The following CCDC178 variants were observed in gnomAD, a reference collection of about 807,000 sequenced individuals.
CCDC178 encodes the protein coiled-coil domain containing 178, also known as coiled-coil domain-containing protein 178.
Under a neutral mutation model 117.4 loss-of-function variants are expected in CCDC178, and 126 were observed. The ratio of observed to expected loss-of-function variants is 1.07; its 90% confidence interval spans 0.93 to 1.24. The LOEUF is 1.24. CCDC178 is among the 50% of genes most tolerant of loss of function. The probability of loss-of-function intolerance (pLI) is 0.00; values close to 1 mark genes in which losing one functional copy is unlikely to be tolerated. For missense variants in CCDC178, 1,030 were observed against 986.9 expected, an observed-to-expected ratio of 1.04 and a Z score of -0.59; for synonymous variants, 283 against 313.4, an observed-to-expected ratio of 0.90 and a Z score of 1.02.
At chr18:33,394,576 G>C (rs1300637574) in intron 4 of CCDC178, among the ~76,000 whole-genome samples, 3 of 151,628 alleles carry the variant, frequency 2.0e-5, no homozygotes, top group African/African-American at 7.3e-5. Flanking sequence ...AGACTTATTA[G>C]AGCTTTCAAA....
chr18:32,994,018 C>T (rs1307559984), intron 21 of CCDC178, among the ~76,000 whole-genome samples: 1 of 152,006 alleles, frequency 6.6e-6, no homozygotes, highest in Non-Finnish European at 1.5e-5. Flanking sequence ...TTTCCTGAGG[C>T]ATCACCCCAC....
chr18:33,358,815 TGAGA>T (rs1286652346), intron 6 of CCDC178, among the ~76,000 whole-genome samples: 5 of 151,612 alleles, frequency 3.3e-5, no homozygotes, highest in South Asian at 2.1e-4. Flanking sequence ...AGTCACAAAC[TGAGA>T]GAAAGTGTTT....
At chr18:33,215,475 T>C in intron 19 of CCDC178, 75 bp downstream of exon 19, 1 of 871,784 alleles carries the variant, frequency 1.1e-6, no homozygotes, top group Non-Finnish European at 1.6e-6. Flanking sequence ...AGAATGCATT[T>C]TAAATATGGA....
chr18:33,397,590 A>G (rs751437613), intron 3 of CCDC178, among the ~76,000 whole-genome samples: 5 of 152,186 alleles, frequency 3.3e-5, no homozygotes, highest in Non-Finnish European at 7.4e-5. Flanking sequence ...ATCCAACAGT[A>G]TGGTAAGATT....
At chr18:33,326,692 T>C (rs1265373069) in intron 10 of CCDC178, among the ~76,000 whole-genome samples, 1 of 152,110 alleles carries the variant, frequency 6.6e-6, no homozygotes, top group Non-Finnish European at 1.5e-5. Flanking sequence ...TTTTCTCGTG[T>C]TTTGGGCTTC....
At chr18:33,182,007 T>G (rs2058737992) in intron 20 of CCDC178, among the ~76,000 whole-genome samples, 1 of 151,858 alleles carries the variant, frequency 6.6e-6, no homozygotes, top group Non-Finnish European at 1.5e-5. Flanking sequence ...AATGTGAAGC[T>G]TATATATAAA....
At chr18:33,012,612 A>G (rs4567810) in intron 21 of CCDC178, among the ~76,000 whole-genome samples, 1,532 of 152,322 alleles carry the variant, frequency 0.01, 26 homozygotes, top group African/African-American at 0.035. Context: ...TATTTTTCTT[A>G]ACATTAATAT....
intron 22 of CCDC178, chr18:32,957,656 T>C (rs1235603193): frequency 6.6e-6 from 1 of 152,146 alleles, no homozygotes; most frequent in African/African-American, 2.4e-5. Flanking sequence ...AATTATAGAT[T>C]TTGTAAGAAA....
intron 20 of CCDC178, among the ~76,000 whole-genome samples, chr18:33,130,399 T>G (rs960716160): frequency 3.3e-5 from 5 of 152,064 alleles, no homozygotes; most frequent in Non-Finnish European, 7.4e-5. Flanking sequence ...CTAGGCACTG[T>G]ACTAAATTAT....
chr18:33,135,418 C>A (rs2058112883), intron 20 of CCDC178, among the ~76,000 whole-genome samples: 1 of 152,032 alleles, frequency 6.6e-6, no homozygotes, highest in South Asian at 2.1e-4. Context: ...AAGTATCATG[C>A]AGCAACGTAT....
At chr18:33,028,648 G>C (rs574498907) in intron 21 of CCDC178, among the ~76,000 whole-genome samples, 16 of 151,464 alleles carry the variant, frequency 1.1e-4, no homozygotes, top group Non-Finnish European at 2.1e-4. Flanking sequence ...GTTAGTTGTG[G>C]GTTTTGTTGT....
chr18:33,282,533 C>T (rs1168057278), intron 12 of CCDC178, among the ~76,000 whole-genome samples: 1 of 152,220 alleles, frequency 6.6e-6, no homozygotes, highest in South Asian at 2.1e-4. Flanking sequence ...AGGGCAGTCT[C>T]GAGTGGGGCC....
At chr18:33,347,047 A>G (rs2062905096) in intron 8 of CCDC178, among the ~76,000 whole-genome samples, 1 of 152,174 alleles carries the variant, frequency 6.6e-6, no homozygotes, top group Admixed American at 6.5e-5. Flanking sequence ...TTGACCATTT[A>G]TGAAATAAAT....
intron 12 of CCDC178, among the ~76,000 whole-genome samples, chr18:33,279,340 G>C (rs1176803106): frequency 1.6e-4 from 24 of 151,830 alleles, no homozygotes; most frequent in Non-Finnish European, 3.4e-4. Context: ...AATCATGAGT[G>C]AACTCCCATT....
intron 21 of CCDC178, among the ~76,000 whole-genome samples, chr18:33,057,227 C>T (rs1465426953): frequency 1.3e-5 from 2 of 152,132 alleles, no homozygotes; most frequent in Admixed American, 6.6e-5. Flanking sequence ...AAGCACACAA[C>T]AGCATGGGCC....
chr18:33,089,688 C>T (rs2057433666), intron 21 of CCDC178, among the ~76,000 whole-genome samples: 1 of 152,190 alleles, frequency 6.6e-6, no homozygotes. Context: ...GCTTGCTTAA[C>T]TTACCTTTCT....
chr18:33,038,257 A>G (rs1386826869), intron 21 of CCDC178, among the ~76,000 whole-genome samples: 3 of 151,970 alleles, frequency 2.0e-5, no homozygotes, highest in African/African-American at 7.2e-5. Flanking sequence ...ACAGATTGGA[A>G]AACTATGAAC....
intron 6 of CCDC178, among the ~76,000 whole-genome samples, chr18:33,362,663 T>C (rs946306455): frequency 4.6e-5 from 7 of 151,974 alleles, no homozygotes; most frequent in African/African-American, 1.7e-4. Context: ...TATATGTGTC[T>C]GTCTGTATGT....
At chr18:32,938,763 C>T (rs2054174782) in intron 22 of CCDC178, among the ~76,000 whole-genome samples, 1 of 152,116 alleles carries the variant, frequency 6.6e-6, no homozygotes, top group African/African-American at 2.4e-5. Context: ...AAGGCAACAA[C>T]ACATAAAAAG....
Sources: allele counts gnomAD v4.1 joint callset (sites outside exome capture counted in the v4.1 genomes callset), GRCh38; gene constraint gnomAD v4.1.1; transcripts MANE v1.5; gene names NCBI Gene and HGNC (gene_info 2026-07-23, HGNC 2026-07-21).